ZNF540: variants seen among roughly 807,000 people sequenced by gnomAD.
The protein encoded by ZNF540 is zinc finger protein 540.
ZNF540 carries 3 observed loss-of-function variants against 11.8 expected under a neutral mutation model. The ratio of observed to expected loss-of-function variants is 0.25; its 90% CI spans 0.12 to 0.65. ZNF540 has a LOEUF of 0.65. ZNF540 is among the 30% of genes least tolerant of loss of function. The pLI is 0.83. For synonymous variants in ZNF540, 247 were observed against 259.0 expected (o/e 0.95, Z 0.45); for missense variants, 709 against 793.1 (o/e 0.89, Z 1.27).
intron 4 of ZNF540, among the ~76,000 whole-genome samples, chr19:37,609,387 C>T (rs2044110097): frequency 6.6e-6 from 1 of 150,668 alleles, no homozygotes; most frequent in African/African-American, 2.4e-5. Context: ...ACTAAAAATA[C>T]CAAAAAATTA....
intron 3 of ZNF540, among the ~76,000 whole-genome samples, chr19:37,600,647 A>G (rs992666058): frequency 3.3e-5 from 5 of 152,136 alleles, no homozygotes; most frequent in African/African-American, 4.8e-5. Flanking sequence ...AAATAATTTA[A>G]CCAGTTTGTT....
rs184164775 is a variant in ZNF540 at position 37,611,881 on chromosome 19, C to G, written c.601C>G (p.Gln201Glu). Residue 201 changes from glutamine (Q) to glutamate (E), a missense_variant, in exon 5 of 5, where the codon CAG becomes GAG. By Grantham distance (29) the Gln-to-Glu change is conservative. Transcript: ENST00000316433. ...TGGGAGTACTTTTAATAATGTCTAT[C>G]AGCTTACTCTCCATCAGAAAATTCA... ...ECGSTFNNVY[Q>E]LTLHQKIHTG... The G allele has an allele frequency of 8.1e-6, 13 of 1,613,830 alleles. No homozygotes were observed. In the African/African-American group the frequency reaches 1.7e-4, roughly 22 times the overall value.
chr19:37,564,538 T>A, intron 1 of ZNF540: 1 of 1,418,944 alleles, frequency 7.0e-7, no homozygotes, highest in Admixed American at 2.6e-5. Context: ...ATGTTCTACA[T>A]TCATTATAGA....
At chr19:37,599,332 A>G (rs2044021166) in intron 2 of ZNF540, among the ~76,000 whole-genome samples, 2 of 152,148 alleles carry the variant, frequency 1.3e-5, no homozygotes, top group Admixed American at 6.5e-5. Flanking sequence ...GCTTGTATCC[A>G]CTGTTTAATT....
chr19:37,556,589 C>T (rs1422798941), intron 1 of ZNF540, among the ~76,000 whole-genome samples: 1 of 152,152 alleles, frequency 6.6e-6, no homozygotes, highest in Admixed American at 6.5e-5. Flanking sequence ...AATGGCAGGA[C>T]CCTGTCTGGT....
chr19:37,565,511 G>GTAT, intron 1 of ZNF540: 4 of 1,613,742 alleles, frequency 2.5e-6, no homozygotes, highest in Non-Finnish European at 2.5e-6. Context: ...ACACTCATAA[G>GTAT]GTTTCTCACC....
chr19:37,612,716 G>T lies in ZNF540; in HGVS notation c.1436G>T (p.Arg479Leu). Reference sequence around the variant, plus strand: ...GAATGTGGGAAGACCTTTCGAGTTCGTTCTCAAATTAGTCTACATAAGAAA... The same window carrying T: ...GAATGTGGGAAGACCTTTCGAGTTCTTTCTCAAATTAGTCTACATAAGAAA... ...CKECGKTFRV[R>L]SQISLHKKIH... The change falls in exon 5 of 5, where the codon CGT (arginine) becomes CTT (leucine). Residue 479 changes from arginine (R) to leucine (L), a missense_variant. Coordinates refer to ENST00000316433, the MANE Select transcript of ZNF540 (RefSeq NM_001172225.3). 4 of 1,614,068 alleles carry T rather than the reference G, an allele frequency of 2.5e-6. No homozygotes were observed. Among genetic ancestry groups the T allele is most frequent in the Middle Eastern group, 1.6e-4 (1 of 6,062 alleles).
upstream of ZNF540, chr19:37,594,478 G>A (rs1217667871): frequency 6.6e-6 from 1 of 152,270 alleles, no homozygotes; most frequent in Non-Finnish European, 1.5e-5. Flanking sequence ...AGGGGCTCCA[G>A]GGGCACACTC....
chr19:37,603,004 CTTT>C (rs569985494), intron 4 of ZNF540, among the ~76,000 whole-genome samples: 13 of 113,232 alleles, frequency 1.1e-4, no homozygotes, highest in Non-Finnish European at 1.4e-4. Context: ...TGTAAGGAGT[CTTT>C]TTTTTTTTTT....
At chr19:37,600,333 G>T (rs1358567692) in intron 3 of ZNF540, among the ~76,000 whole-genome samples, 1 of 152,056 alleles carries the variant, frequency 6.6e-6, no homozygotes, top group Non-Finnish European at 1.5e-5. Flanking sequence ...AATATCCCCA[G>T]GTAACAAACC....
At chr19:37,553,442 G>GT (rs1006347768) in intron 1 of ZNF540, among the ~76,000 whole-genome samples, 2 of 151,610 alleles carry the variant, frequency 1.3e-5, no homozygotes, top group Non-Finnish European at 2.9e-5. Flanking sequence ...TTTCTTCTGT[G>GT]TTTTTTTACT....
upstream of ZNF540, chr19:37,594,606 C>G (rs1356866764): frequency 1.3e-5 from 2 of 152,356 alleles, no homozygotes; most frequent in African/African-American, 4.8e-5. Context: ...AAGTAATTAG[C>G]CAGAGCACCG....
chr19:37,582,492 G>A (rs1204531305), intron 1 of ZNF540, among the ~76,000 whole-genome samples: 1 of 152,106 alleles, frequency 6.6e-6, no homozygotes, highest in Admixed American at 6.6e-5. Flanking sequence ...TCCTTGAGCT[G>A]TACCTTGCCT....
At position 37,569,320 on chromosome 19, in the gene ZNF540, A is replaced by G. The variant is rs541181019; in HGVS notation, c.-73+17655A>G. Among the ~76,000 whole-genome samples, 141 of 152,284 alleles carry G rather than the reference A, an allele frequency of 9.3e-4. No homozygotes were observed. The highest frequency in any genetic ancestry group is 3.2e-3 in the African/African-American group (132 of 41,560). On this transcript the variant is annotated intron_variant, in intron 1 of 4. Coordinates refer to the ZNF540 transcript ENST00000592533. This position sits in a 1 kb window ranked among gnomAD's most constrained non-coding sequence, Gnocchi z 4.4. ...TATGAGACCCTTTGTTCTAATCTCC[A>G]TCTGGCAGATAGAATGGAATAGTAA...
At chr19:37,587,407 A>G (rs993931282) in intron 1 of ZNF540, 5 of 152,224 alleles carry the variant, frequency 3.3e-5, no homozygotes, top group Non-Finnish European at 7.3e-5. Flanking sequence ...AACAAAACAA[A>G]CTATTTTAAC....
chr19:37,605,809 C>T (rs2147231028), intron 4 of ZNF540, among the ~76,000 whole-genome samples: 1 of 152,212 alleles, frequency 6.6e-6, no homozygotes, highest in South Asian at 2.1e-4. Context: ...TTTTAATTTG[C>T]ATTTAACTAA....
intron 1 of ZNF540, chr19:37,565,560 G>C: frequency 6.2e-7 from 1 of 1,612,730 alleles, no homozygotes; most frequent in Non-Finnish European, 8.5e-7. Context: ...TGAGAGCCAA[G>C]AATAAAGGCC....
chr19:37,583,103 T>C (rs1156639572), intron 1 of ZNF540, among the ~76,000 whole-genome samples: 1 of 152,202 alleles, frequency 6.6e-6, no homozygotes, highest in East Asian at 1.9e-4. Context: ...TGAAGCTCAG[T>C]TTCTCTCAGG....
chr19:37,581,427 C>A (rs4802051), intron 1 of ZNF540, among the ~76,000 whole-genome samples: 38,264 of 151,354 alleles, frequency 0.25, 5,473 homozygotes, highest in East Asian at 0.63. Context: ...ACCTTTATAC[C>A]ACCCCTCCAG....
Sources: allele counts gnomAD v4.1 joint callset (sites outside exome capture counted in the v4.1 genomes callset), GRCh38; gene constraint gnomAD v4.1.1; non-coding constraint Gnocchi (gnomAD v3.1); transcripts MANE v1.5; gene names NCBI Gene and HGNC (gene_info 2026-07-23, HGNC 2026-07-21).